The following IPCEF1 variants were observed in gnomAD, a reference collection of about 807,000 sequenced individuals.
IPCEF1 encodes interactor protein for cytohesin exchange factors 1.
A neutral mutation model predicts 50.9 loss-of-function variants in IPCEF1; 31 were observed. That is an observed-to-expected ratio of 0.61 (90% CI 0.46 to 0.82). The LOEUF (loss-of-function observed/expected upper bound fraction) is 0.82, where lower values mean the gene tolerates loss of function less well. Ranked by LOEUF, IPCEF1 falls within the 40% of genes least tolerant of loss-of-function variation. The probability of loss-of-function intolerance (pLI) is 0.00; values close to 1 mark genes in which losing one functional copy is unlikely to be tolerated. For synonymous variants in IPCEF1, 181 were observed against 192.0 expected, an observed-to-expected ratio of 0.94 and a Z score of 0.47; for missense variants, 458 against 514.0, an observed-to-expected ratio of 0.89 and a Z score of 1.05.
chr6:154,197,292 A>G (rs1411866438), intron 10 of IPCEF1, among the ~76,000 whole-genome samples: 1 of 152,214 alleles, frequency 6.6e-6, no homozygotes, highest in Non-Finnish European at 1.5e-5. Flanking sequence ...AAAATGCACA[A>G]TATGAAATTT....
At chr6:154,165,439 CT>C (rs1799349537) in intron 11 of IPCEF1, among the ~76,000 whole-genome samples, 1 of 152,206 alleles carries the variant, frequency 6.6e-6, no homozygotes, top group Non-Finnish European at 1.5e-5. Context: ...GGTTGATGCA[CT>C]TTGCTTTTGT....
chr6:154,343,526 C>T (rs562022981), intron 1 of IPCEF1, among the ~76,000 whole-genome samples: 52 of 152,244 alleles, frequency 3.4e-4, no homozygotes, highest in Middle Eastern at 3.4e-3. Context: ...TTTTCCTCCC[C>T]AAGTCGCCTC....
At position 154,155,220 on chromosome 6, in the gene IPCEF1, C is replaced by T. The variant is rs1260024109; in HGVS notation, c.*4608G>A. 6.6e-6 allele frequency: 1 copy of T among 152,162 alleles called. No individual in the cohort carries two copies. The highest frequency in any genetic ancestry group is 2.4e-5 in the African/African-American group (1 of 41,432). 9.4% of individuals were successfully genotyped at this position (152,162 alleles called of 1,614,324 possible). ...TGTGAGGAGAGAAATTATCCCCCTTCCACAGTCCATTTCATACAGGCTGCA... is the reference window on the plus strand; with the variant it reads ...TGTGAGGAGAGAAATTATCCCCCTTTCACAGTCCATTTCATACAGGCTGCA... On this transcript the variant is annotated 3_prime_UTR_variant, in exon 12 of 12. Transcript: ENST00000367220.
intron 3 of IPCEF1, among the ~76,000 whole-genome samples, chr6:154,251,819 G>A (rs2128646364): frequency 6.6e-6 from 1 of 152,118 alleles, no homozygotes; most frequent in East Asian, 1.9e-4. Context: ...GGAAGGGAGA[G>A]GAGATAAGGA....
chr6:154,255,031 A>C (rs374805308), intron 3 of IPCEF1, among the ~76,000 whole-genome samples: 1 of 152,182 alleles, frequency 6.6e-6, no homozygotes, highest in Non-Finnish European at 1.5e-5. Flanking sequence ...TTGTTATTGC[A>C]GTCTACATAT....
chr6:154,313,286 A>T (rs991471755), intron 1 of IPCEF1, among the ~76,000 whole-genome samples: 4 of 151,876 alleles, frequency 2.6e-5, no homozygotes, highest in Admixed American at 2.6e-4. Flanking sequence ...GAGGCAGAAG[A>T]ATCACTTGAA....
Position 154,172,849 on chromosome 6 carries a change from C to T in IPCEF1, c.911-4736G>A, listed in dbSNP as rs1799987421. ...ATTCGATCTCTGATAACGGACAGAC[C>T]ACTTCCTCAAGTGGGTCCCTGACCC... On this transcript the variant is annotated intron_variant, in intron 10 of 11. Transcript: ENST00000367220. 2.0e-5 allele frequency among the ~76,000 whole-genome samples: 3 copies of T among 152,342 alleles called. 1 individual carries two copies. The highest frequency in any genetic ancestry group is 4.1e-4 in the South Asian group (2 of 4,822).
rs1781934421 is a variant in IPCEF1, at chr6:154,272,930, G to C, written c.-17-6966C>G. 3.9e-5 allele frequency among the ~76,000 whole-genome samples: 6 copies of C among 152,138 alleles called. No individual in the cohort carries two copies. The South Asian group carries it at 1.2e-3, about 32-fold the overall frequency. ...GATTTATTCATTCAACTGATGCAAA[G>C]GTAACTGTCCTGGTTATTCCCTAAT... is the stretch of plus-strand genomic sequence containing the variant. On this transcript the variant is annotated intron_variant, in intron 2 of 11. Coordinates refer to ENST00000367220, the MANE Select transcript of IPCEF1 (RefSeq NM_001130700.2).
chr6:154,180,341 A>G (rs1015004129), intron 10 of IPCEF1, among the ~76,000 whole-genome samples: 4 of 126,936 alleles, frequency 3.2e-5, no homozygotes, highest in Non-Finnish European at 7.0e-5. Context: ...GACTCAAGAA[A>G]GGAGACATAT....
At chr6:154,255,170 A>T (rs896119048) in intron 3 of IPCEF1, among the ~76,000 whole-genome samples, 21 of 152,164 alleles carry the variant, frequency 1.4e-4, no homozygotes, top group Non-Finnish European at 2.6e-4. Context: ...TTCATTTATC[A>T]TATAGCTTCC....
intron 1 of IPCEF1, among the ~76,000 whole-genome samples, chr6:154,334,338 G>A (rs917221117): frequency 6.6e-6 from 1 of 152,186 alleles, no homozygotes; most frequent in Non-Finnish European, 1.5e-5. Flanking sequence ...GAAAGCCACC[G>A]AAACTCTTTG....
At chr6:154,237,821 T>C (rs775057474) in intron 5 of IPCEF1, among the ~76,000 whole-genome samples, 4 of 152,088 alleles carry the variant, frequency 2.6e-5, no homozygotes, top group Non-Finnish European at 5.9e-5. Flanking sequence ...TACACATGCA[T>C]ATCTATATAT....
At chr6:154,216,320 G>T (rs1012924695) in intron 7 of IPCEF1, among the ~76,000 whole-genome samples, 7 of 152,172 alleles carry the variant, frequency 4.6e-5, no homozygotes, top group Admixed American at 4.6e-4. Flanking sequence ...GTGGGGGGTG[G>T]TTGTAATGAC....
chr6:154,220,799 C>CTCCG (rs1274886537), intron 7 of IPCEF1, among the ~76,000 whole-genome samples: 1 of 152,214 alleles, frequency 6.6e-6, no homozygotes, highest in African/African-American at 2.4e-5. Flanking sequence ...GTTTGATGTA[C>CTCCG]TCCGAGCAAA....
chr6:154,172,612 T>G (rs1035194589), intron 10 of IPCEF1, among the ~76,000 whole-genome samples: 1 of 152,146 alleles, frequency 6.6e-6, no homozygotes, highest in Non-Finnish European at 1.5e-5. Flanking sequence ...TGCTGAGGCT[T>G]GAGTAGGTGG....
At position 154,263,932 on chromosome 6, in the gene IPCEF1, C is replaced by G. The variant is rs570494988; in HGVS notation, c.36+1980G>C. Among the ~76,000 whole-genome samples, 126 of 129,912 alleles carry G rather than the reference C, an allele frequency of 9.7e-4. 9 individuals carry two copies. The highest frequency in any genetic ancestry group is 1.6e-3 in the Non-Finnish European group (97 of 60,586). The allele number at this position is 129,912 out of a possible 152,430, so 85.2% of individuals were successfully genotyped here. A position where few individuals can be genotyped will look rare whatever the true frequency, so the allele number is the denominator to read the frequency against. ...GCTGGCCGGGCAGAGGGACTCCTCA[C>G]TTCCCAGTAGGGGCGGCCGGGCAGA... On this transcript the variant is annotated intron_variant, in intron 3 of 11. Coordinates refer to ENST00000367220, the MANE Select transcript of IPCEF1 (RefSeq NM_001130700.2).
At chr6:154,245,910 G>T (rs1249577524) in intron 5 of IPCEF1, among the ~76,000 whole-genome samples, 1 of 152,170 alleles carries the variant, frequency 6.6e-6, no homozygotes, top group Non-Finnish European at 1.5e-5. Context: ...ATTTTCAAAA[G>T]AAAACTAGCC....
chr6:154,282,439 T>C (rs546209419), intron 2 of IPCEF1, among the ~76,000 whole-genome samples: 2 of 152,224 alleles, frequency 1.3e-5, no homozygotes, highest in East Asian at 3.9e-4. Flanking sequence ...TCCCAGCACT[T>C]TGGGAGGCCA....
chr6:154,242,614 C>T (rs368193781), intron 5 of IPCEF1, among the ~76,000 whole-genome samples: 37 of 152,204 alleles, frequency 2.4e-4, no homozygotes, highest in African/African-American at 7.7e-4. Context: ...AGGCCAAGTG[C>T]GGTGGCTCAC....
Sources: gnomAD v4.1 joint callset for allele counts (sites outside exome capture counted in the v4.1 genomes callset) on GRCh38, gnomAD v4.1.1 for gene constraint, MANE v1.5 for transcripts, NCBI Gene and HGNC (gene_info 2026-07-23, HGNC 2026-07-21) for gene names.